Variants in COG5 observed in about 807,000 individuals in gnomAD.
COG5 encodes the protein conserved oligomeric Golgi complex subunit 5.
In COG5, 86 loss-of-function variants were observed where a neutral mutation model predicts 110.4. The observed-to-expected ratio is 0.78, with a 90% CI of 0.65 to 0.93. The LOEUF (loss-of-function observed/expected upper bound fraction) is 0.93, where lower values mean the gene tolerates loss of function less well. COG5 is among the 40% of genes least tolerant of loss of function. The pLI is 0.00. For synonymous variants in COG5, 360 were observed against 334.6 expected (o/e 1.08, Z -0.83); for missense variants, 1,077 against 987.0 (o/e 1.09, Z -1.22).
chr7:107,294,709 CTTTCTTTTTT>C (rs1042992889), intron 12 of COG5, among the ~76,000 whole-genome samples: 1 of 125,244 alleles, frequency 8.0e-6, no homozygotes, highest in Non-Finnish European at 1.6e-5. Flanking sequence ...TCTTAATTTT[CTTTCTTTTTT>C]TTTTTTTTTT....
Position 107,393,014 on chromosome 7 carries a change from A to T in COG5, c.669+19488T>A, listed in dbSNP as rs373880252. ...GTTCTCTGGGGAGCTTGATGGTTTT[A>T]AGCAAGCAGAGAACAGTTAATCAAC... On this transcript the variant is annotated intron_variant, in intron 7 of 21. Transcript: ENST00000297135. Among the ~76,000 whole-genome samples the T allele has an allele frequency of 1.6e-4, 24 of 152,302 alleles. No homozygotes were observed. The East Asian group carries it at 2.7e-3, about 17-fold the overall frequency.
chr7:107,334,169 A>G (rs1323303082), intron 10 of COG5, among the ~76,000 whole-genome samples: 1 of 152,192 alleles, frequency 6.6e-6, no homozygotes, highest in Non-Finnish European at 1.5e-5. Context: ...TCTACAGAGA[A>G]ACGGATTAAG....
At chr7:107,467,598 C>T (rs1235673811) in intron 6 of COG5, among the ~76,000 whole-genome samples, 3 of 152,048 alleles carry the variant, frequency 2.0e-5, no homozygotes, top group African/African-American at 2.4e-5. Flanking sequence ...GTGATCCACC[C>T]GCCTCAGCCT....
At chr7:107,398,935 C>T (rs1791221548) in intron 7 of COG5, among the ~76,000 whole-genome samples, 1 of 152,148 alleles carries the variant, frequency 6.6e-6, no homozygotes, top group African/African-American at 2.4e-5. Context: ...GGCAAGGTGG[C>T]TCACACCTGT....
At chr7:107,334,890 G>C (rs955532546) in intron 10 of COG5, among the ~76,000 whole-genome samples, 2 of 152,030 alleles carry the variant, frequency 1.3e-5, no homozygotes, top group African/African-American at 4.8e-5. Flanking sequence ...TACTGTAACT[G>C]TGCTGTGTGA....
intron 8 of COG5, among the ~76,000 whole-genome samples, chr7:107,362,922 T>C (rs1284057115): frequency 6.6e-6 from 1 of 152,102 alleles, no homozygotes; most frequent in Non-Finnish European, 1.5e-5. Context: ...ACAATTTTAA[T>C]TCACGGAATT....
At chr7:107,545,289 A>G (rs148262670) in intron 5 of COG5, among the ~76,000 whole-genome samples, 52 of 152,326 alleles carry the variant, frequency 3.4e-4, no homozygotes, top group African/African-American at 1.2e-3. Context: ...AAGATCTCCA[A>G]TCAGGTTCAA....
intron 7 of COG5, among the ~76,000 whole-genome samples, chr7:107,379,292 A>G (rs1453213490): frequency 6.6e-6 from 1 of 152,204 alleles, no homozygotes. Flanking sequence ...GGAAAGGAAA[A>G]ACCAGTACCA....
chr7:107,281,259 A>C (rs1266563113), intron 14 of COG5, 41 bp downstream of exon 14: 1 of 1,291,706 alleles, frequency 7.7e-7, no homozygotes, highest in Non-Finnish European at 1.1e-6. Context: ...AGTAATTTTA[A>C]ATAAAATCAT....
Position 107,305,470 on chromosome 7 carries a change from G to A in COG5, c.1109-7124C>T, listed in dbSNP as rs147550045. 5.1e-3 allele frequency among the ~76,000 whole-genome samples: 782 copies of A among 152,194 alleles called. 9 individuals carry two copies. Among genetic ancestry groups the A allele is most frequent in the African/African-American group, 0.017 (699 of 41,520 alleles). On this transcript the variant is annotated intron_variant, in intron 11 of 21. Transcript: ENST00000297135. ...AATGTTTTGTTTCATAAATGTACTA[G>A]TTATCTATTGTCATGTAACAACTTG...
intron 6 of COG5, among the ~76,000 whole-genome samples, chr7:107,413,844 T>G (rs376620495): frequency 1.3e-5 from 2 of 152,214 alleles, no homozygotes; most frequent in African/African-American, 2.4e-5. Context: ...CTGTTATTTG[T>G]AATTTTCTAA....
chr7:107,405,711 T>G (rs958483324), intron 7 of COG5, among the ~76,000 whole-genome samples: 1 of 152,262 alleles, frequency 6.6e-6, no homozygotes, highest in African/African-American at 2.4e-5. Flanking sequence ...TGAATGTTTG[T>G]GTCTTTCCTC....
chr7:107,515,543 A>G (rs1381705509), intron 6 of COG5, among the ~76,000 whole-genome samples: 3 of 152,194 alleles, frequency 2.0e-5, no homozygotes, highest in African/African-American at 7.2e-5. Context: ...ATTATGGTGT[A>G]TAAGAGATAC....
At chr7:107,439,356 C>T (rs911427288) in intron 6 of COG5, among the ~76,000 whole-genome samples, 4 of 152,018 alleles carry the variant, frequency 2.6e-5, no homozygotes, top group African/African-American at 9.7e-5. Context: ...AGGAAAATTC[C>T]TCAGGTAAGT....
At chr7:107,319,014 ACT>A (rs1809010038) in intron 11 of COG5, among the ~76,000 whole-genome samples, 2 of 151,400 alleles carry the variant, frequency 1.3e-5, no homozygotes, top group South Asian at 4.2e-4. Flanking sequence ...GGGTCCTAAG[ACT>A]CTAATAATTT....
chr7:107,495,420 G>A (rs1482075534), intron 6 of COG5, among the ~76,000 whole-genome samples: 1 of 152,078 alleles, frequency 6.6e-6, no homozygotes, highest in African/African-American at 2.4e-5. Context: ...GACCAGACAA[G>A]TTAAATTTGT....
intron 19 of COG5, among the ~76,000 whole-genome samples, chr7:107,221,746 C>CA (rs1584537132): frequency 7.1e-6 from 1 of 141,034 alleles, no homozygotes; most frequent in African/African-American, 2.7e-5. Context: ...GCCTGGGTGA[C>CA]AGAGTGAGAC....
chr7:107,432,038 G>A (rs1794060953), intron 6 of COG5, among the ~76,000 whole-genome samples: 1 of 152,022 alleles, frequency 6.6e-6, no homozygotes, highest in African/African-American at 2.4e-5. Flanking sequence ...GTGTGTGTTT[G>A]TGTGTGTGTG....
chr7:107,349,590 C>G (rs1811948459), intron 10 of COG5, among the ~76,000 whole-genome samples: 1 of 151,956 alleles, frequency 6.6e-6, no homozygotes, highest in Non-Finnish European at 1.5e-5. Flanking sequence ...CAGAGTCTCG[C>G]TCTGTCGCCC....
Sources: gnomAD v4.1 joint callset for allele counts (sites outside exome capture counted in the v4.1 genomes callset) on GRCh38, gnomAD v4.1.1 for gene constraint, MANE v1.5 for transcripts, NCBI Gene and HGNC (gene_info 2026-07-23, HGNC 2026-07-21) for gene names.